TANGO6: variants seen among roughly 807,000 people sequenced by gnomAD.
TANGO6 encodes transport and Golgi organization protein 6 homolog.
A neutral mutation model predicts 114.2 loss-of-function variants in TANGO6; 90 were observed. The observed-to-expected ratio is 0.79, with a 90% CI of 0.66 to 0.94. TANGO6 has a LOEUF of 0.94. Among genes scored for constraint, TANGO6 ranks in the 40% least tolerant of loss-of-function variants. The pLI is 0.00. For missense variants in TANGO6, 1,274 were observed against 1,315.3 expected (o/e 0.97, Z 0.49); for synonymous variants, 477 against 509.8 (o/e 0.94, Z 0.87).
chr16:69,049,492 C>T (rs766044959), intron 17 of TANGO6, among the ~76,000 whole-genome samples: 8 of 151,610 alleles, frequency 5.3e-5, no homozygotes, highest in Non-Finnish European at 1.2e-4. Flanking sequence ...TGTACAATGG[C>T]GCCATCTCGT....
chr16:68,980,989 A>G (rs1280849571), intron 15 of TANGO6, among the ~76,000 whole-genome samples: 3 of 151,752 alleles, frequency 2.0e-5, no homozygotes, highest in Non-Finnish European at 2.9e-5. Flanking sequence ...GTGAGACTCC[A>G]TCTCAAAAAA....
At chr16:69,026,449 AAGGGCTATCTG>A (rs1227459496) in intron 16 of TANGO6, 1 of 183,434 alleles carries the variant, frequency 5.5e-6, no homozygotes, top group Non-Finnish European at 1.2e-5. Context: ...ATCCAGAAGG[AAGGGCTATCTG>A]AGTGTCCATT....
intron 16 of TANGO6, among the ~76,000 whole-genome samples, chr16:69,030,829 A>G (rs1480971787): frequency 6.6e-6 from 1 of 151,892 alleles, no homozygotes; most frequent in East Asian, 2.0e-4. Flanking sequence ...AGGTGGGCAG[A>G]TCACGAGGTC....
chr16:68,892,906 C>A (rs1962646309), intron 7 of TANGO6, among the ~76,000 whole-genome samples: 2 of 152,180 alleles, frequency 1.3e-5, no homozygotes, highest in South Asian at 2.1e-4. Context: ...TAAGTTCTCT[C>A]CCTTCACTTC....
intron 17 of TANGO6, among the ~76,000 whole-genome samples, chr16:69,065,294 GCA>G (rs1960197472): frequency 6.6e-6 from 1 of 152,212 alleles, no homozygotes; most frequent in Admixed American, 6.5e-5. Flanking sequence ...CAGCCAGGGA[GCA>G]CACACAGTTA....
chr16:68,971,624 ATTTTTTTC>A (rs1567550909), intron 14 of TANGO6, among the ~76,000 whole-genome samples: 1 of 150,822 alleles, frequency 6.6e-6, no homozygotes, highest in Non-Finnish European at 1.5e-5. Flanking sequence ...GGCCTCAGAC[ATTTTTTTC>A]TTTTTTTCTT....
chr16:68,930,282 A>G lies in TANGO6; in HGVS notation c.2688A>G (p.Leu896=), dbSNP rs777753078. The G allele has an allele frequency of 3.2e-6, 5 of 1,554,466 alleles. No homozygotes were observed. The South Asian group carries it at 4.7e-5, about 15-fold the overall frequency. Residue 896 remains leucine, a synonymous_variant, in exon 14 of 18, where the codon CTA becomes CTG. Coordinates refer to ENST00000261778, the MANE Select transcript of TANGO6 (RefSeq NM_024562.2). ...NLEHEDTFVY[L]SAIQGVALLS... ...AACATGAAGACACTTTTGTATATCT[A>G]TCTGCAATTCAGGGTAAGTCAGTCC... is the stretch of plus-strand genomic sequence containing the variant.
intron 15 of TANGO6, among the ~76,000 whole-genome samples, chr16:68,979,522 G>A (rs1160671759): frequency 3.3e-5 from 5 of 152,124 alleles, no homozygotes; most frequent in African/African-American, 2.4e-5. Flanking sequence ...GAGCCACTGC[G>A]CCGGGCCCAG....
chr16:68,969,632 A>G (rs992760386), intron 14 of TANGO6, among the ~76,000 whole-genome samples: 1 of 151,984 alleles, frequency 6.6e-6, no homozygotes, highest in Admixed American at 6.6e-5. Context: ...TTTTTATGGA[A>G]GATTGGGAGA....
chr16:68,907,099 ATT>A (rs546359676), intron 9 of TANGO6, among the ~76,000 whole-genome samples: 126 of 114,590 alleles, frequency 1.1e-3, no homozygotes, highest in African/African-American at 3.4e-3. Flanking sequence ...CCAGACCTTG[ATT>A]TTTTTTTTTT....
intron 9 of TANGO6, among the ~76,000 whole-genome samples, chr16:68,904,004 T>G (rs1245183833): frequency 6.6e-6 from 1 of 152,234 alleles, no homozygotes; most frequent in Non-Finnish European, 1.5e-5. Context: ...GTTTTTACTT[T>G]TCTGGAATTA....
intron 17 of TANGO6, among the ~76,000 whole-genome samples, chr16:69,069,955 C>T (rs1046284801): frequency 6.6e-6 from 1 of 151,424 alleles, no homozygotes; most frequent in Non-Finnish European, 1.5e-5. Flanking sequence ...GCCTGTAATC[C>T]CAGCACTTTG....
intron 1 of TANGO6, among the ~76,000 whole-genome samples, chr16:68,849,273 G>T (rs1410579466): frequency 6.6e-6 from 1 of 152,156 alleles, no homozygotes; most frequent in Non-Finnish European, 1.5e-5. Context: ...GGCGGAGGTG[G>T]CAGTGAGCCG....
chr16:68,993,625 T>G (rs962430491), intron 15 of TANGO6, among the ~76,000 whole-genome samples: 1 of 152,238 alleles, frequency 6.6e-6, no homozygotes, highest in Non-Finnish European at 1.5e-5. Flanking sequence ...AGTTATAGTC[T>G]CAATCCACAG....
chr16:68,875,342 G>C, intron 5 of TANGO6, 52 bp downstream of exon 5: 13 of 1,582,728 alleles, frequency 8.2e-6, no homozygotes, highest in East Asian at 2.3e-5. Context: ...CTTATTTACA[G>C]AAAGAGGACT....
chr16:68,894,391 T>C (rs1451964508), intron 7 of TANGO6, among the ~76,000 whole-genome samples: 1 of 152,026 alleles, frequency 6.6e-6, no homozygotes, highest in African/African-American at 2.4e-5. Flanking sequence ...AAGGGGGCTG[T>C]CCTTGGAAGC....
At chr16:69,045,567 C>A (rs1356724957) in intron 17 of TANGO6, among the ~76,000 whole-genome samples, 1 of 150,934 alleles carries the variant, frequency 6.6e-6, no homozygotes, top group Non-Finnish European at 1.5e-5. Flanking sequence ...CATAGTGAAA[C>A]CCCCTCTCTA....
intron 9 of TANGO6, among the ~76,000 whole-genome samples, chr16:68,903,029 T>G (rs752760307): frequency 1.3e-5 from 2 of 152,208 alleles, no homozygotes; most frequent in Non-Finnish European, 2.9e-5. Context: ...ATATTTTAAA[T>G]TATTTCCACT....
At chr16:69,072,965 G>GA (rs772900105) in intron 17 of TANGO6, among the ~76,000 whole-genome samples, 1,464 of 125,830 alleles carry the variant, frequency 0.012, 9 homozygotes, top group Middle Eastern at 0.024. Flanking sequence ...CCTCTAAAAG[G>GA]AAAAAAAAAA....
Sources: allele counts gnomAD v4.1 joint callset (sites outside exome capture counted in the v4.1 genomes callset), GRCh38; gene constraint gnomAD v4.1.1; transcripts MANE v1.5; gene names NCBI Gene and HGNC (gene_info 2026-07-23, HGNC 2026-07-21).